The following PCP4 variants were observed in gnomAD, a reference collection of about 807,000 sequenced individuals.
PCP4 encodes Purkinje cell protein 4, also known as calmodulin regulator protein PCP4.
Under a neutral mutation model 10.0 loss-of-function variants are expected in PCP4, and 8 were observed. The observed-to-expected ratio is 0.80, with a 90% CI of 0.47 to 1.45. The LOEUF is 1.45. PCP4 is among the 40% of genes most tolerant of loss of function. PCP4 has a pLI of 0.00. For missense variants in PCP4, 54 were observed against 74.4 expected, an observed-to-expected ratio of 0.73 and a Z score of 1.01; for synonymous variants, 21 against 23.0, an observed-to-expected ratio of 0.91 and a Z score of 0.24.
At position 39,929,240 on chromosome 21, in the gene PCP4, T is replaced by A. The variant is rs1376454744; in HGVS notation, c.*129T>A. On this transcript the variant is annotated 3_prime_UTR_variant, in exon 3 of 3. Coordinates refer to ENST00000328619, the MANE Select transcript of PCP4 (RefSeq NM_006198.3). ...CCACACACGCATAGCAAACCTCCAA[T>A]GCATGTACAGAAACCTGTGATATTT... 1.3e-6 allele frequency: 1 copy of A among 792,700 alleles called. No homozygotes were observed. The highest frequency in any genetic ancestry group is 2.0e-6 in the Non-Finnish European group (1 of 507,270). The allele number at this position is 792,700 out of a possible 1,614,324, so 49.1% of individuals were successfully genotyped here.
At chr21:39,903,885 A>AAC (rs961646155) in intron 2 of PCP4, among the ~76,000 whole-genome samples, 3 of 104,938 alleles carry the variant, frequency 2.9e-5, no homozygotes, top group South Asian at 3.1e-4. Flanking sequence ...ACAAAAAAAA[A>AAC]AAAAAAAAAA....
intron 2 of PCP4, among the ~76,000 whole-genome samples, chr21:39,905,269 A>G (rs973337393): frequency 2.6e-5 from 4 of 152,120 alleles, no homozygotes; most frequent in Non-Finnish European, 5.9e-5. Flanking sequence ...AAAAAATCAA[A>G]ACAAAAGTGA....
chr21:39,918,200 A>T (rs1324604512), intron 2 of PCP4, among the ~76,000 whole-genome samples: 1 of 152,234 alleles, frequency 6.6e-6, no homozygotes, highest in African/African-American at 2.4e-5. Flanking sequence ...TTCTTCAATG[A>T]TGATTATACC....
intron 1 of PCP4, among the ~76,000 whole-genome samples, chr21:39,891,493 G>T (rs1366334558): frequency 6.6e-6 from 1 of 152,248 alleles, no homozygotes; most frequent in Non-Finnish European, 1.5e-5. Context: ...GTAGGGTCCA[G>T]CCCTACGGGG....
At chr21:39,886,652 C>G (rs1001047837) in intron 1 of PCP4, among the ~76,000 whole-genome samples, 4 of 152,164 alleles carry the variant, frequency 2.6e-5, no homozygotes, top group South Asian at 2.1e-4. Flanking sequence ...TTTGAAAAGT[C>G]AGAGGGAGTT....
At chr21:39,901,420 C>T (rs777551666) in intron 2 of PCP4, among the ~76,000 whole-genome samples, 14 of 152,180 alleles carry the variant, frequency 9.2e-5, no homozygotes, top group Non-Finnish European at 1.8e-4. Context: ...CCTATGTGTT[C>T]GATGTCTCTG....
chr21:39,903,458 G>A (rs1479254830), intron 2 of PCP4, among the ~76,000 whole-genome samples: 3 of 152,202 alleles, frequency 2.0e-5, no homozygotes, highest in Non-Finnish European at 4.4e-5. Context: ...TTGAGTGTGA[G>A]TAGCCTTGCA....
intron 1 of PCP4, among the ~76,000 whole-genome samples, chr21:39,887,531 A>C (rs1279308193): frequency 7.9e-5 from 12 of 152,198 alleles, no homozygotes; most frequent in Non-Finnish European, 1.5e-5. Context: ...AAATGTAGGC[A>C]TAAAAGTCTC....
At chr21:39,909,085 T>C (rs1319249919) in intron 2 of PCP4, among the ~76,000 whole-genome samples, 1 of 152,188 alleles carries the variant, frequency 6.6e-6, no homozygotes, top group Non-Finnish European at 1.5e-5. Context: ...TAATGTCAAG[T>C]ACATTCTGAA....
At chr21:39,889,590 G>A (rs902620058) in intron 1 of PCP4, among the ~76,000 whole-genome samples, 2 of 150,514 alleles carry the variant, frequency 1.3e-5, no homozygotes, top group Non-Finnish European at 3.0e-5. Context: ...CTAATTTTTT[G>A]TATTTTTAGT....
chr21:39,922,365 T>C (rs963253077), intron 2 of PCP4, among the ~76,000 whole-genome samples: 1 of 152,212 alleles, frequency 6.6e-6, no homozygotes, highest in African/African-American at 2.4e-5. Flanking sequence ...GAGCTTTCTC[T>C]TGTGACATAA....
At chr21:39,881,891 C>T (rs1453826474) in intron 1 of PCP4, among the ~76,000 whole-genome samples, 1 of 152,116 alleles carries the variant, frequency 6.6e-6, no homozygotes, top group Non-Finnish European at 1.5e-5. Context: ...GTCAATCTGC[C>T]CAGACTCAAA....
At position 39,913,529 on chromosome 21, in the gene PCP4, A is replaced by G. The variant is rs554041264; in HGVS notation, c.61+15002A>G. ...GCATGTTTGAAGGGTATTTGAAAAT[A>G]TGGGACTTCAGAGTCGTATACGGTA... On this transcript the variant is annotated intron_variant, in intron 2 of 2. Transcript: ENST00000328619. Among the ~76,000 whole-genome samples the G allele has an allele frequency of 7.2e-5, 11 of 152,366 alleles. No individual in the cohort carries two copies. The South Asian group carries it at 1.7e-3, about 23-fold the overall frequency.
chr21:39,867,869 A>C (rs1192093752), intron 1 of PCP4, among the ~76,000 whole-genome samples: 2 of 152,046 alleles, frequency 1.3e-5, no homozygotes, highest in Non-Finnish European at 2.9e-5. Flanking sequence ...TCAGAATGTG[A>C]GTGGGCAGGT....
rs1450842658 is a variant in PCP4 at position 39,928,994 on chromosome 21, G to T, written c.72G>T (p.Lys24Asn). The T allele has an allele frequency of 3.1e-6, 5 of 1,612,778 alleles. No homozygotes were observed. Among genetic ancestry groups the T allele is most frequent in the Non-Finnish European group, 4.2e-6 (5 of 1,179,460 alleles). ...TTTGTCTTGCTACAGATGGACAGAA[G>T]AAAGTTCAAGAAGAATTTGACATTG... The part of the protein sequence containing the change: ...DKTSGENDGQ[K>N]KVQEEFDIDM... Residue 24 changes from lysine (K) to asparagine (N), a missense_variant, in exon 3 of 3, where the codon AAG becomes AAT. By Grantham distance (94) the Lys-to-Asn change is moderately conservative (BLOSUM62 0). Transcript: ENST00000328619.
At chr21:39,900,489 T>A (rs975229626) in intron 2 of PCP4, among the ~76,000 whole-genome samples, 3 of 152,114 alleles carry the variant, frequency 2.0e-5, no homozygotes, top group Non-Finnish European at 4.4e-5. Context: ...CTGGAGCCAG[T>A]GAACAAGACA....
At chr21:39,928,858 G>T in intron 2 of PCP4, 126 bp from the exon 3 acceptor site, 1 of 818,454 alleles carries the variant, frequency 1.2e-6, no homozygotes. Context: ...TCTTGTCCTG[G>T]GGTGTAAGTT....
At chr21:39,927,339 G>GTCTGTCTATCTATCTA (rs2087628720) in intron 2 of PCP4, among the ~76,000 whole-genome samples, 1 of 98,870 alleles carries the variant, frequency 1.0e-5, no homozygotes, top group African/African-American at 3.6e-5. Context: ...CTATCTATCT[G>GTCTGTCTATCTATCTA]TCTATCTATC....
chr21:39,917,622 T>C (rs2087575491), intron 2 of PCP4, among the ~76,000 whole-genome samples: 1 of 152,288 alleles, frequency 6.6e-6, no homozygotes, highest in African/African-American at 2.4e-5. Context: ...TGGGCAAGGA[T>C]TTGAACCTCA....
Sources: gnomAD v4.1 joint callset for allele counts (sites outside exome capture counted in the v4.1 genomes callset) on GRCh38, gnomAD v4.1.1 for gene constraint, MANE v1.5 for transcripts, NCBI Gene and HGNC (gene_info 2026-07-23, HGNC 2026-07-21) for gene names.